C16orf96: variants seen among roughly 807,000 people sequenced by gnomAD.
C16orf96 encodes the protein uncharacterized protein C16orf96.
C16orf96 carries 108 observed loss-of-function variants against 103.6 expected under a neutral mutation model. That is an observed-to-expected ratio of 1.04 (90% CI 0.89 to 1.22). The LOEUF is 1.22. Among genes scored for constraint, C16orf96 ranks in the 50% most tolerant of loss-of-function variants. The pLI is 0.00. For synonymous variants in C16orf96, 566 were observed against 593.5 expected, an observed-to-expected ratio of 0.95 and a Z score of 0.67; for missense variants, 1,586 against 1,464.2, an observed-to-expected ratio of 1.08 and a Z score of -1.36.
chr16:4,549,697 C>G, the C16orf96 span, among the ~76,000 whole-genome samples: 1 of 151,978 alleles, frequency 6.6e-6, no homozygotes, highest in Non-Finnish European at 1.5e-5. Context: ...ACTTGGGAGG[C>G]TGAGGCAGGA....
intron 9 of C16orf96, among the ~76,000 whole-genome samples, chr16:4,590,050 C>T (rs2896907): frequency 0.15 from 23,398 of 151,696 alleles, 1,977 homozygotes; most frequent in South Asian, 0.22. Context: ...GGCCTGAACC[C>T]GGGAGGCAGA....
At position 4,556,784 on chromosome 16, in the gene C16orf96, C is replaced by G. The variant is rs2059268480; in HGVS notation, c.295C>G (p.Gln99Glu). 1 of 1,551,588 alleles carries G rather than the reference C, an allele frequency of 6.4e-7. No homozygotes were observed. Among genetic ancestry groups the G allele is most frequent in the Admixed American group, 2.0e-5 (1 of 50,982 alleles). ...GTTGGAGAACCAGCTGGCCCTGCTGCAGGACCTGCCCTCCACTGCCCAGCT... is the reference window on the plus strand; with the variant it reads ...GTTGGAGAACCAGCTGGCCCTGCTGGAGGACCTGCCCTCCACTGCCCAGCT... ...DKLENQLALL[Q>E]DLPSTAQLLE... Residue 99 changes from glutamine to glutamate, a missense_variant, in exon 1 of 16, where the codon CAG becomes GAG. Transcript: ENST00000444310.
At position 4,579,182 on chromosome 16, in the gene C16orf96, C is replaced by G. The variant is rs140596875; in HGVS notation, c.2241+157C>G. Among the ~76,000 whole-genome samples the G allele has an allele frequency of 1.9e-3, 245 of 127,688 alleles. 1 individual carries two copies. Among genetic ancestry groups the G allele is most frequent in the African/African-American group, 6.6e-3 (235 of 35,462 alleles). 83.8% of individuals were successfully genotyped at this position (127,688 alleles called of 152,430 possible). On this transcript the variant is annotated intron_variant, in intron 6 of 15. Transcript: ENST00000444310. Reference sequence around the variant, plus strand: ...GGCTGCGAAGGCAGCTGCTGCCTCTCAAAGCTGATTCACTGGTGCGGTGGG... The same window carrying G: ...GGCTGCGAAGGCAGCTGCTGCCTCTGAAAGCTGATTCACTGGTGCGGTGGG...
At chr16:4,557,115 A>G (rs1201157448) in intron 1 of C16orf96, among the ~76,000 whole-genome samples, 3 of 152,132 alleles carry the variant, frequency 2.0e-5, no homozygotes, top group African/African-American at 4.8e-5. Flanking sequence ...GATTTCAGGC[A>G]CATGCCACCA....
chr16:4,592,029 C>A (rs1334416259), intron 10 of C16orf96, among the ~76,000 whole-genome samples: 1 of 152,176 alleles, frequency 6.6e-6, no homozygotes, highest in Non-Finnish European at 1.5e-5. Context: ...GATCCAGGAC[C>A]CCTGACCCCC....
intron 7 of C16orf96, among the ~76,000 whole-genome samples, chr16:4,584,466 G>A (rs1413729726): frequency 6.6e-6 from 1 of 150,900 alleles, no homozygotes; most frequent in East Asian, 1.9e-4. Flanking sequence ...TTCTGCCTCA[G>A]CCTCCTGAGC....
chr16:4,558,842 G>A (rs950144544), intron 1 of C16orf96, among the ~76,000 whole-genome samples: 3 of 149,006 alleles, frequency 2.0e-5, no homozygotes, highest in African/African-American at 7.4e-5. Flanking sequence ...TTGAACCCAG[G>A]AGGCGGAACT....
At chr16:4,564,397 G>C (rs1567439840) in intron 1 of C16orf96, among the ~76,000 whole-genome samples, 1 of 152,138 alleles carries the variant, frequency 6.6e-6, no homozygotes, top group Non-Finnish European at 1.5e-5. Context: ...CCAGTCTAAG[G>C]GGATGCTAAC....
At chr16:4,589,846 A>G (rs1308823182) in intron 9 of C16orf96, among the ~76,000 whole-genome samples, 1 of 152,166 alleles carries the variant, frequency 6.6e-6, no homozygotes, top group African/African-American at 2.4e-5. Context: ...TCCATCGGCT[A>G]GGCACGGTGG....
intron 7 of C16orf96, among the ~76,000 whole-genome samples, chr16:4,586,735 C>T (rs967674604): frequency 2.0e-5 from 3 of 152,190 alleles, no homozygotes; most frequent in Admixed American, 1.3e-4. Flanking sequence ...CCTTAAACAT[C>T]CAGGGAGCGA....
rs749629485 is a variant in C16orf96, at chr16:4,575,782, G to C, written c.1302G>C (p.Trp434Cys). ...PPPATEFGSL[W>C]PRPLQPYQSR... The stretch of plus-strand genomic sequence containing the variant: ...CAGCCACTGAGTTTGGCTCATTGTG[G>C]CCTCGACCACTCCAGCCATATCAGT... The change falls in exon 5 of 16, where the codon TGG becomes TGC. Residue 434 changes from tryptophan (W) to cysteine (C), a missense_variant. Transcript: ENST00000444310. The C allele has an allele frequency of 1.3e-6, 2 of 1,550,546 alleles. No individual in the cohort carries two copies. The highest frequency in any genetic ancestry group is 8.7e-7 in the Non-Finnish European group (1 of 1,146,906).
the C16orf96 span, among the ~76,000 whole-genome samples, chr16:4,548,733 C>T: frequency 2.6e-5 from 4 of 152,010 alleles, no homozygotes; most frequent in South Asian, 4.1e-4. Context: ...ATTAGTCAGG[C>T]GTGGTGGTGC....
intron 1 of C16orf96, among the ~76,000 whole-genome samples, chr16:4,564,565 C>G (rs764244760): frequency 6.6e-5 from 10 of 152,120 alleles, no homozygotes; most frequent in South Asian, 6.2e-4. Flanking sequence ...GATCCCAGCA[C>G]TTTGGGAGGC....
Position 4,593,289 on chromosome 16 carries a change from G to T in C16orf96, c.2840G>T (p.Cys947Phe). 2.6e-6 allele frequency: 4 copies of T among 1,550,994 alleles called. No individual in the cohort carries two copies. The highest frequency in any genetic ancestry group is 3.5e-6 in the Non-Finnish European group (4 of 1,146,892). The change falls in exon 12 of 16, where the codon TGC becomes TTC. Residue 947 changes from cysteine (C) to phenylalanine (F), a missense_variant. Coordinates refer to ENST00000444310, the MANE Select transcript of C16orf96 (RefSeq NM_001145011.2). This position sits in a 1 kb window ranked among gnomAD's most constrained non-coding sequence, Gnocchi z 4.2. ...SRLRPASANS[C>F]EYLQRQQMRE... ...CTGCGGCCAGCCAGCGCCAACAGCT[G>T]CGAGTACTTGCAGCGGCAACAGATG...
At chr16:4,594,893 A>C in intron 14 of C16orf96, 90 bp downstream of exon 14, 2 of 1,360,386 alleles carry the variant, frequency 1.5e-6, no homozygotes, top group Non-Finnish European at 2.0e-6. Flanking sequence ...GCCCAGAGCC[A>C]GCACTATCCC....
At chr16:4,597,557 ATCT>A (rs1161956150) in intron 14 of C16orf96, among the ~76,000 whole-genome samples, 15 of 148,682 alleles carry the variant, frequency 1.0e-4, no homozygotes, top group South Asian at 4.2e-4. Flanking sequence ...CAACTGCTTC[ATCT>A]TTTTTTTTTT....
intron 1 of C16orf96, 51 bp downstream of exon 1, chr16:4,556,960 T>C: frequency 2.0e-6 from 3 of 1,468,534 alleles, no homozygotes; most frequent in South Asian, 1.4e-5. Flanking sequence ...CCACTGGCTC[T>C]CTCCTGGGAC....
chr16:4,559,838 G>A (rs2059309074), intron 1 of C16orf96, among the ~76,000 whole-genome samples: 1 of 152,142 alleles, frequency 6.6e-6, no homozygotes, highest in African/African-American at 2.4e-5. Flanking sequence ...TTCATCTAAA[G>A]GCATAATCTG....
At chr16:4,541,731 A>G in the C16orf96 span, among the ~76,000 whole-genome samples, 4 of 152,296 alleles carry the variant, frequency 2.6e-5, no homozygotes, top group African/African-American at 9.6e-5. Context: ...TCAGTGCAAG[A>G]AGGTGGTGAT....
Sources: gnomAD v4.1 joint callset for allele counts (sites outside exome capture counted in the v4.1 genomes callset) on GRCh38, gnomAD v4.1.1 for gene constraint, Gnocchi (gnomAD v3.1) non-coding constraint, MANE v1.5 for transcripts, NCBI Gene and HGNC (gene_info 2026-07-23, HGNC 2026-07-21) for gene names.